The following TNN variants were observed in gnomAD, a reference collection of about 807,000 sequenced individuals.
TNN encodes the protein tenascin N, also known as tenascin-N.
A neutral mutation model predicts 134.4 loss-of-function variants in TNN; 122 were observed. The ratio of observed to expected loss-of-function variants is 0.91; its 90% CI spans 0.78 to 1.06. TNN has a LOEUF of 1.06. Among genes scored for constraint, TNN ranks in the 50% least tolerant of loss-of-function variants. The probability of loss-of-function intolerance (pLI) is 0.00; values close to 1 mark genes in which losing one functional copy is unlikely to be tolerated. For synonymous variants in TNN, 710 were observed against 670.3 expected, an observed-to-expected ratio of 1.06 and a Z score of -0.91; for missense variants, 1,739 against 1,699.4, an observed-to-expected ratio of 1.02 and a Z score of -0.41.
chr1:175,098,908 A>G (rs926566505), intron 9 of TNN, among the ~76,000 whole-genome samples: 2 of 152,194 alleles, frequency 1.3e-5, no homozygotes, highest in African/African-American at 4.8e-5. Context: ...AGAAGTAACT[A>G]TCATGCTGAG....
rs1163747084 is a variant in TNN at position 175,136,936 on chromosome 1, C to T, written c.3543C>T (p.Ala1181=). ...CTATATATGATTTCTTCCAAGTGGC[C>T]TCCAGCAAGGAGCGGTATAAGCTGA... ...AYAIYDFFQV[A]SSKERYKLTV... Residue 1181 remains alanine (A), a synonymous_variant, in exon 17 of 19, where the codon GCC becomes GCT. Transcript: ENST00000239462. 1.9e-6 allele frequency: 3 copies of T among 1,614,138 alleles called. No homozygotes were observed. Among genetic ancestry groups the T allele is most frequent in the East Asian group, 4.5e-5 (2 of 44,886 alleles).
At chr1:175,130,589 T>C (rs1675652542) in intron 15 of TNN, among the ~76,000 whole-genome samples, 1 of 150,186 alleles carries the variant, frequency 6.7e-6, no homozygotes, top group Non-Finnish European at 1.5e-5. Flanking sequence ...GTGTGGCCTT[T>C]TTGTAAGCCA....
chr1:175,137,882 C>T (rs1029003059), intron 17 of TNN, among the ~76,000 whole-genome samples: 1 of 152,058 alleles, frequency 6.6e-6, no homozygotes, highest in Non-Finnish European at 1.5e-5. Context: ...TAGGTGAATA[C>T]AAATAGAAGG....
chr1:175,125,631 CTCT>C (rs548939123), intron 12 of TNN, among the ~76,000 whole-genome samples: 35 of 144,966 alleles, frequency 2.4e-4, no homozygotes, highest in South Asian at 2.3e-3. Flanking sequence ...CTCCCTTTCT[CTCT>C]TCTTTTCTCT....
rs1237711631 is a variant in TNN at position 175,147,964 on chromosome 1, G to A, written c.*893G>A. On this transcript the variant is annotated 3_prime_UTR_variant, in exon 19 of 19. Coordinates refer to ENST00000239462, the MANE Select transcript of TNN (RefSeq NM_022093.2). ...CAGTTAGCAAGATCAGATCCTTTTT[G>A]CTTATTTTCTATCACTTTGGAGGGT... The A allele has an allele frequency of 2.0e-5, 3 of 151,930 alleles. No homozygotes were observed. The highest frequency in any genetic ancestry group is 4.4e-5 in the Non-Finnish European group (3 of 67,970). 9.4% of individuals were successfully genotyped at this position (151,930 alleles called of 1,614,324 possible).
intron 12 of TNN, among the ~76,000 whole-genome samples, chr1:175,125,716 T>C (rs1046792087): frequency 1.5e-5 from 1 of 65,490 alleles, no homozygotes; most frequent in Non-Finnish European, 2.8e-5. Flanking sequence ...TTTCTTTCTT[T>C]CTTTCTTTCT....
chr1:175,091,080 G>A (rs575293065), intron 6 of TNN, among the ~76,000 whole-genome samples: 2 of 152,338 alleles, frequency 1.3e-5, no homozygotes, highest in African/African-American at 4.8e-5. Flanking sequence ...GGTAGAAAGA[G>A]GTTTCAGTCC....
intron 9 of TNN, among the ~76,000 whole-genome samples, chr1:175,103,637 T>C (rs183310045): frequency 6.9e-6 from 1 of 145,500 alleles, no homozygotes; most frequent in East Asian, 2.3e-4. Flanking sequence ...TCCTTTCTTC[T>C]TAACTTTTTT....
intron 13 of TNN, among the ~76,000 whole-genome samples, chr1:175,127,720 A>G (rs1675567654): frequency 6.6e-6 from 1 of 152,170 alleles, no homozygotes; most frequent in African/African-American, 2.4e-5. Flanking sequence ...TGTAGCCACT[A>G]TAGTTAGAGC....
intron 6 of TNN, among the ~76,000 whole-genome samples, chr1:175,089,737 A>G (rs1164311107): frequency 1.3e-5 from 2 of 152,228 alleles, no homozygotes; most frequent in Non-Finnish European, 2.9e-5. Context: ...ACAAGCTCCC[A>G]TGCACAGCAA....
intron 1 of TNN, among the ~76,000 whole-genome samples, chr1:175,070,305 A>G (rs894890565): frequency 2.0e-5 from 3 of 152,220 alleles, no homozygotes; most frequent in Admixed American, 1.3e-4. Context: ...AAGGCAGATT[A>G]AGAGTCAGTT....
chr1:175,104,984 T>C lies in TNN; in HGVS notation c.2119+6389T>C, dbSNP rs1465093188. Among the ~76,000 whole-genome samples, 2 of 145,542 alleles carry C rather than the reference T, an allele frequency of 1.4e-5. 1 individual carries two copies. Among genetic ancestry groups the C allele is most frequent in the Non-Finnish European group, 3.0e-5 (2 of 65,584 alleles). ...ACGACTCCAGTCCCCATGATCTGAGTCAAAGTCCCAGTGGGGATCCATACT... is the reference window on the plus strand; with the variant it reads ...ACGACTCCAGTCCCCATGATCTGAGCCAAAGTCCCAGTGGGGATCCATACT... On this transcript the variant is annotated intron_variant, in intron 9 of 18. Transcript: ENST00000239462.
At chr1:175,117,647 T>C (rs1675220070) in intron 10 of TNN, among the ~76,000 whole-genome samples, 2 of 152,230 alleles carry the variant, frequency 1.3e-5, no homozygotes, top group Admixed American at 1.3e-4. Context: ...ATTATAACTA[T>C]AAAACATATT....
At chr1:175,074,329 A>G (rs949840594) in intron 1 of TNN, among the ~76,000 whole-genome samples, 4 of 152,112 alleles carry the variant, frequency 2.6e-5, no homozygotes, top group African/African-American at 9.7e-5. Flanking sequence ...CAAAAAAAAT[A>G]CAAAAATTAG....
At position 175,097,408 on chromosome 1, in the gene TNN, C is replaced by G. The variant is rs368328000; in HGVS notation, c.1589-9C>G. ...AAGGCTACATTCTTCTTTCATCTCTCTCTTAAAGAAATTGACAGCCCAGCA... is the reference window on the plus strand; with the variant it reads ...AAGGCTACATTCTTCTTTCATCTCTGTCTTAAAGAAATTGACAGCCCAGCA... On this transcript the variant is annotated splice_polypyrimidine_tract_variant and intron_variant, in intron 7 of 18. Transcript: ENST00000239462. 1.1e-5 allele frequency: 18 copies of G among 1,613,978 alleles called. No individual in the cohort carries two copies. Among genetic ancestry groups the G allele is most frequent in the Non-Finnish European group, 1.5e-5 (18 of 1,179,964 alleles).
intron 15 of TNN, among the ~76,000 whole-genome samples, chr1:175,131,910 G>A (rs1261831602): frequency 6.1e-5 from 5 of 82,556 alleles, no homozygotes; most frequent in Admixed American, 2.4e-4. Flanking sequence ...CCCAGATGAA[G>A]TATTATTACA....
intron 6 of TNN, among the ~76,000 whole-genome samples, chr1:175,091,523 G>A: frequency 6.6e-6 from 1 of 151,066 alleles, no homozygotes; most frequent in East Asian, 1.9e-4. Flanking sequence ...TGGACATGAT[G>A]GATCTTTCCT....
At chr1:175,127,911 A>G (rs1675571852) in intron 13 of TNN, 121 bp from the exon 14 acceptor site, 4 of 1,250,870 alleles carry the variant, frequency 3.2e-6, no homozygotes, top group Non-Finnish European at 4.6e-6. Context: ...CTTCGGAGAG[A>G]CAAAACACTG....
rs200734177 is a variant in TNN, at chr1:175,098,576, C to T, written c.2100C>T (p.Ala700=). 2.2e-4 allele frequency: 353 copies of T among 1,614,014 alleles called. 2 individuals are homozygous for T. The East Asian group carries it at 6.8e-3, about 31-fold the overall frequency. Residue 700 remains alanine (A), a synonymous_variant, in exon 9 of 19, where the codon GCC becomes GCT. Transcript: ENST00000239462. ...AQKGDQESKK[A]DTKAQTDIDS... is the part of the protein sequence containing the mutation. ...AGGGGGACCAGGAGAGCAAGAAGGC[C>T]GACACCAAGGCCCAGACAGGTAAGG... is the stretch of plus-strand genomic sequence containing the variant.
Sources: allele counts gnomAD v4.1 joint callset (sites outside exome capture counted in the v4.1 genomes callset), GRCh38; gene constraint gnomAD v4.1.1; transcripts MANE v1.5; gene names NCBI Gene and HGNC (gene_info 2026-07-23, HGNC 2026-07-21).